Variants in CSNK1G1 observed in about 807,000 individuals in gnomAD.
CSNK1G1 encodes the protein casein kinase 1 gamma 1.
A neutral mutation model predicts 59.6 loss-of-function variants in CSNK1G1; 22 were observed. The ratio of observed to expected loss-of-function variants is 0.37; its 90% CI spans 0.26 to 0.53. The LOEUF is 0.53. Among genes scored for constraint, CSNK1G1 ranks in the 20% least tolerant of loss-of-function variants. The pLI, the probability that CSNK1G1 is intolerant of heterozygous loss-of-function variation, is 0.89. For synonymous variants in CSNK1G1, 179 were observed against 177.1 expected (o/e 1.01, Z -0.08); for missense variants, 384 against 519.5 (o/e 0.74, Z 2.54).
At chr15:64,253,323 C>G (rs182451452) in intron 3 of CSNK1G1, among the ~76,000 whole-genome samples, 1 of 152,114 alleles carries the variant, frequency 6.6e-6, no homozygotes, top group African/African-American at 2.4e-5. Context: ...CCAGCCTGGG[C>G]GACAGAGTGA....
chr15:64,297,055 T>C (rs1257692680), intron 2 of CSNK1G1, among the ~76,000 whole-genome samples: 1 of 151,002 alleles, frequency 6.6e-6, no homozygotes, highest in Non-Finnish European at 1.5e-5. Flanking sequence ...CCTCTTCCTA[T>C]TCATCAGCTT....
chr15:64,261,661 T>G (rs72756965), intron 2 of CSNK1G1, among the ~76,000 whole-genome samples: 6,731 of 151,752 alleles, frequency 0.044, 196 homozygotes, highest in South Asian at 0.086. Flanking sequence ...GGCTTAACCC[T>G]AAGAACTTAA....
At chr15:64,292,957 T>C (rs1383866652) in intron 2 of CSNK1G1, among the ~76,000 whole-genome samples, 2 of 152,020 alleles carry the variant, frequency 1.3e-5, no homozygotes, top group Non-Finnish European at 2.9e-5. Context: ...ATATCATCTA[T>C]CTACTTATTC....
chr15:64,228,997 C>T (rs1160687004), intron 4 of CSNK1G1, among the ~76,000 whole-genome samples: 3 of 122,806 alleles, frequency 2.4e-5, no homozygotes, highest in East Asian at 4.5e-4. Flanking sequence ...CCAGCCTGGG[C>T]GACAGAGTGA....
rs151008285 is a variant in CSNK1G1 at position 64,323,830 on chromosome 15, G to A, written c.-224-23107C>T. ...GGAATACTAGTGTTCTTAAAACAAA[G>A]CCTCTCTTTTCCCAGCTGATTTTAC... is the stretch of plus-strand genomic sequence containing the variant. On this transcript the variant is annotated intron_variant, in intron 1 of 11. Transcript: ENST00000303052. 4.0e-3 allele frequency among the ~76,000 whole-genome samples: 613 copies of A among 152,184 alleles called. 2 individuals carry two copies. The highest frequency in any genetic ancestry group is 7.6e-3 in the Non-Finnish European group (514 of 68,006).
intron 3 of CSNK1G1, among the ~76,000 whole-genome samples, chr15:64,253,504 T>C (rs1489034234): frequency 6.6e-6 from 1 of 152,132 alleles, no homozygotes; most frequent in Non-Finnish European, 1.5e-5. Context: ...CTCTGGAAAA[T>C]GGCATGGCAA....
At chr15:64,355,385 T>G (rs1898592142) in intron 1 of CSNK1G1, among the ~76,000 whole-genome samples, 1 of 152,178 alleles carries the variant, frequency 6.6e-6, no homozygotes, top group Non-Finnish European at 1.5e-5. Context: ...TTGTGATGCC[T>G]GCCCACTTGG....
chr15:64,179,223 G>C (rs866469700), intron 11 of CSNK1G1, among the ~76,000 whole-genome samples: 2 of 152,100 alleles, frequency 1.3e-5, no homozygotes, highest in Admixed American at 6.5e-5. Flanking sequence ...TCCAGCTTTG[G>C]CAACAGAGAG....
rs957552603 is a variant in CSNK1G1 at position 64,166,691 on chromosome 15, G to A, written c.*5240C>T. The A allele has an allele frequency of 6.6e-6, 1 of 152,640 alleles. No homozygotes were observed. Among genetic ancestry groups the A allele is most frequent in the Non-Finnish European group, 1.5e-5 (1 of 68,068 alleles). The allele number at this position is 152,640 out of a possible 1,614,324, so 9.5% of individuals were successfully genotyped here. Reference sequence around the variant, plus strand: ...TTCTAAAAAAGGCTTTTGGTGCAAGGGCTGGCCTGGGATTTGGTCTGGAGC... The same window carrying A: ...TTCTAAAAAAGGCTTTTGGTGCAAGAGCTGGCCTGGGATTTGGTCTGGAGC... On this transcript the variant is annotated 3_prime_UTR_variant, in exon 12 of 12. Coordinates refer to ENST00000303052, the MANE Select transcript of CSNK1G1 (RefSeq NM_022048.5). The surrounding 1 kb of genome is among the most constrained non-coding windows in gnomAD (Gnocchi z 4.5).
At chr15:64,278,514 C>T (rs1011267609) in intron 2 of CSNK1G1, among the ~76,000 whole-genome samples, 3 of 151,362 alleles carry the variant, frequency 2.0e-5, no homozygotes, top group African/African-American at 7.3e-5. Flanking sequence ...CTGCAAGCTC[C>T]GCCTCCCGGG....
chr15:64,178,398 A>G (rs1424343128), intron 11 of CSNK1G1, among the ~76,000 whole-genome samples: 1 of 152,124 alleles, frequency 6.6e-6, no homozygotes, highest in Non-Finnish European at 1.5e-5. Context: ...CAGGGGCTCA[A>G]CAAAAGACAG....
At chr15:64,226,771 C>T (rs1385522961) in intron 4 of CSNK1G1, among the ~76,000 whole-genome samples, 1 of 152,040 alleles carries the variant, frequency 6.6e-6, no homozygotes, top group East Asian at 1.9e-4. Flanking sequence ...TGCCTCAAAA[C>T]CTAAGAAAAT....
At chr15:64,271,427 C>G (rs1893299272) in intron 2 of CSNK1G1, among the ~76,000 whole-genome samples, 1 of 151,600 alleles carries the variant, frequency 6.6e-6, no homozygotes, top group African/African-American at 2.4e-5. Flanking sequence ...TAGCTGAGAC[C>G]ACAGGTGCAC....
Position 64,216,493 on chromosome 15 carries a change from C to G in CSNK1G1, c.444+69G>C, listed in dbSNP as rs767393183. The G allele has an allele frequency of 6.7e-7, 1 of 1,490,192 alleles. No homozygotes were observed. The highest frequency in any genetic ancestry group is 9.3e-7 in the Non-Finnish European group (1 of 1,079,274). 92.3% of individuals were successfully genotyped at this position (1,490,192 alleles called of 1,614,324 possible). A position where few individuals can be genotyped will look rare whatever the true frequency, so the allele number is the denominator to read the frequency against. The stretch of plus-strand genomic sequence containing the variant: ...ATGTGTTGCTACGGCTAGTAAATCA[C>G]CAAAAGGCCCACAAGGATGTGGCTG... On this transcript the variant is annotated intron_variant, in intron 5 of 11. Transcript: ENST00000303052. This position sits in a 1 kb window ranked among gnomAD's most constrained non-coding sequence, Gnocchi z 4.6.
intron 10 of CSNK1G1, among the ~76,000 whole-genome samples, chr15:64,193,532 C>G (rs2082001222): frequency 6.7e-6 from 1 of 149,752 alleles, no homozygotes; most frequent in Admixed American, 6.7e-5. Context: ...CTAAAAACTT[C>G]CTTCTATTAA....
intron 4 of CSNK1G1, among the ~76,000 whole-genome samples, chr15:64,243,187 T>G (rs1051000625): frequency 5.9e-5 from 9 of 151,882 alleles, no homozygotes; most frequent in Non-Finnish European, 1.0e-4. Context: ...AATACAAAAA[T>G]TAGCTAGGTG....
intron 4 of CSNK1G1, among the ~76,000 whole-genome samples, chr15:64,231,723 TTC>T (rs939532313): frequency 5.9e-5 from 9 of 152,274 alleles, no homozygotes; most frequent in African/African-American, 1.9e-4. Flanking sequence ...ATAAAACCTT[TTC>T]TCTTTCTCAA....
intron 2 of CSNK1G1, among the ~76,000 whole-genome samples, chr15:64,260,943 G>C (rs947786290): frequency 1.3e-5 from 2 of 152,216 alleles, no homozygotes; most frequent in East Asian, 3.9e-4. Context: ...AGACTAACAG[G>C]TTGGTTTCTT....
rs777862094 is a variant in CSNK1G1, at chr15:64,188,469, C to T, written c.1108-8015G>A. 29 of 1,535,922 alleles carry T rather than the reference C, an allele frequency of 1.9e-5. No homozygotes were observed. In the African/African-American group the frequency reaches 2.2e-4, roughly 12 times the overall value. ...GGGCTGAATTTCCCACTCTCCTCGG[C>T]GCTCTGATGATACATTCTGCTTAGG... On this transcript the variant is annotated intron_variant, in intron 10 of 11. Transcript: ENST00000303052. This position sits in a 1 kb window ranked among gnomAD's most constrained non-coding sequence, Gnocchi z 4.2.
Sources: gnomAD v4.1 joint callset for allele counts (sites outside exome capture counted in the v4.1 genomes callset) on GRCh38, gnomAD v4.1.1 for gene constraint, Gnocchi (gnomAD v3.1) non-coding constraint, MANE v1.5 for transcripts, NCBI Gene and HGNC (gene_info 2026-07-23, HGNC 2026-07-21) for gene names.